The following STIM1 variants were observed in gnomAD, a reference collection of about 807,000 sequenced individuals.
STIM1 encodes the protein stromal interaction molecule 1.
Under a neutral mutation model 74.7 loss-of-function variants are expected in STIM1, and 25 were observed. That is an observed-to-expected ratio of 0.33 (90% CI 0.24 to 0.47). The LOEUF (loss-of-function observed/expected upper bound fraction) is 0.47, where lower values mean the gene tolerates loss of function less well. Among genes scored for constraint, STIM1 ranks in the 20% least tolerant of loss-of-function variants. STIM1 has a pLI of 1.00. For missense variants in STIM1, 728 were observed against 920.8 expected, an observed-to-expected ratio of 0.79 and a Z score of 2.71; for synonymous variants, 328 against 348.8, an observed-to-expected ratio of 0.94 and a Z score of 0.66.
chr11:4,036,297 A>G (rs1289983775), intron 3 of STIM1, among the ~76,000 whole-genome samples: 1 of 152,160 alleles, frequency 6.6e-6, no homozygotes, highest in Non-Finnish European at 1.5e-5. Context: ...TGCTATTGTG[A>G]ATAGTGCTGC....
At position 4,020,947 on chromosome 11, in the gene STIM1, AT is replaced by A. The variant is rs1406353610; in HGVS notation, c.271-2920del. ...AAATGTCTAGTTAGATCTTTCACCCATTTTTTAATCTGATTTTTTTTCTATT... is the reference window on the plus strand; with the variant it reads ...AAATGTCTAGTTAGATCTTTCACCCATTTTTAATCTGATTTTTTTTCTATT... On this transcript the variant is annotated intron_variant, in intron 2 of 12. Transcript: ENST00000526596. 7.9e-5 allele frequency among the ~76,000 whole-genome samples: 12 copies of A among 151,758 alleles called. No homozygotes were observed. The South Asian group carries it at 1.2e-3, about 16-fold the overall frequency.
At chr11:4,040,843 G>A (rs753689756) in intron 3 of STIM1, among the ~76,000 whole-genome samples, 2 of 152,206 alleles carry the variant, frequency 1.3e-5, no homozygotes, top group Non-Finnish European at 2.9e-5. Context: ...AGCATGTCCT[G>A]TTGGGCCCTG....
At chr11:4,012,845 T>G (rs1233253600) in intron 2 of STIM1, among the ~76,000 whole-genome samples, 4 of 152,098 alleles carry the variant, frequency 2.6e-5, no homozygotes, top group East Asian at 1.9e-4. Context: ...CATTCAGTAT[T>G]ATATTGGCTG....
chr11:4,000,038 G>C (rs560388507), intron 2 of STIM1, among the ~76,000 whole-genome samples: 21 of 152,070 alleles, frequency 1.4e-4, no homozygotes, highest in Admixed American at 3.9e-4. Context: ...GGGGAGGGGC[G>C]CCCGCCATTG....
At chr11:4,018,364 A>AT (rs1266531690) in intron 2 of STIM1, among the ~76,000 whole-genome samples, 3 of 138,334 alleles carry the variant, frequency 2.2e-5, no homozygotes, top group Non-Finnish European at 3.1e-5. Context: ...AGGCAGGATA[A>AT]TGGCGTGAAC....
intron 1 of STIM1, among the ~76,000 whole-genome samples, chr11:3,934,655 G>C (rs141899379): frequency 3.4e-4 from 52 of 152,298 alleles, no homozygotes; most frequent in African/African-American, 1.2e-3. Flanking sequence ...TTGGTACACT[G>C]ATGCCCAAAT....
intron 1 of STIM1, among the ~76,000 whole-genome samples, chr11:3,864,670 G>T (rs1202824269): frequency 6.6e-6 from 1 of 152,144 alleles, no homozygotes; most frequent in Non-Finnish European, 1.5e-5. Flanking sequence ...AGTAAGTCCA[G>T]CCCATCCTCA....
At chr11:4,008,076 C>T (rs2135944811) in intron 2 of STIM1, among the ~76,000 whole-genome samples, 1 of 152,128 alleles carries the variant, frequency 6.6e-6, no homozygotes, top group East Asian at 1.9e-4. Context: ...CACATAAGGA[C>T]ATTCAGTCAA....
intron 1 of STIM1, among the ~76,000 whole-genome samples, chr11:3,911,568 G>T (rs2092562522): frequency 6.6e-6 from 1 of 151,908 alleles, no homozygotes. Flanking sequence ...AATTTTTTTT[G>T]TAGAGACGGG....
rs542877094 is a variant in STIM1, at chr11:4,053,954, A to G, written c.386-1572A>G. 7.2e-5 allele frequency among the ~76,000 whole-genome samples: 11 copies of G among 152,278 alleles called. No individual in the cohort carries two copies. In the South Asian group the frequency reaches 2.1e-3, roughly 29 times the overall value. On this transcript the variant is annotated intron_variant, in intron 3 of 12. Coordinates refer to ENST00000526596, the MANE Select transcript of STIM1 (RefSeq NM_001382567.1). ...GTGCTGTCTAACAGAACTTTCTACAATGATGGAAATGTTGTATAGTTTATG... is the reference window on the plus strand; with the variant it reads ...GTGCTGTCTAACAGAACTTTCTACAGTGATGGAAATGTTGTATAGTTTATG...
intron 5 of STIM1, among the ~76,000 whole-genome samples, chr11:4,068,280 T>A (rs2094381088): frequency 6.6e-6 from 1 of 152,152 alleles, no homozygotes. Context: ...CCAAATGAAA[T>A]AACTAGGCTC....
chr11:3,939,257 A>C (rs2092975377), intron 1 of STIM1, among the ~76,000 whole-genome samples: 1 of 152,160 alleles, frequency 6.6e-6, no homozygotes, highest in Non-Finnish European at 1.5e-5. Context: ...GAGAGGTGTG[A>C]CTTCTAAAGA....
chr11:3,879,651 G>A (rs2091428487), intron 1 of STIM1, among the ~76,000 whole-genome samples: 1 of 152,202 alleles, frequency 6.6e-6, no homozygotes, highest in African/African-American at 2.4e-5. Context: ...AAAGAAAGCA[G>A]GTGACTTCCC....
chr11:4,078,083 T>G (rs1462461674), intron 7 of STIM1, among the ~76,000 whole-genome samples: 1 of 152,228 alleles, frequency 6.6e-6, no homozygotes. Context: ...TTTTATTACA[T>G]GCTGGACAGT....
At chr11:3,865,505 T>C (rs748382296) in intron 1 of STIM1, among the ~76,000 whole-genome samples, 2 of 152,220 alleles carry the variant, frequency 1.3e-5, no homozygotes, top group Non-Finnish European at 2.9e-5. Flanking sequence ...TGTCAAGTGC[T>C]GCTTCTTTGG....
intron 3 of STIM1, among the ~76,000 whole-genome samples, chr11:4,050,812 T>G (rs2094233762): frequency 6.6e-6 from 1 of 152,202 alleles, no homozygotes; most frequent in Admixed American, 6.5e-5. Flanking sequence ...AACACATATT[T>G]TATATGTTAT....
At chr11:3,998,153 T>C (rs2093679447) in intron 2 of STIM1, among the ~76,000 whole-genome samples, 1 of 152,176 alleles carries the variant, frequency 6.6e-6, no homozygotes, top group South Asian at 2.1e-4. Context: ...TTCTAAGGTA[T>C]TTAGTTGAAT....
chr11:3,961,337 G>T, intron 1 of STIM1: 2 of 243,804 alleles, frequency 8.2e-6, no homozygotes, highest in South Asian at 1.3e-4. Context: ...CTGAAAACAA[G>T]ACCAGATGAG....
chr11:3,964,010 T>G (rs1307177713), intron 1 of STIM1, among the ~76,000 whole-genome samples: 6 of 152,268 alleles, frequency 3.9e-5, no homozygotes, highest in Non-Finnish European at 7.3e-5. Context: ...CACCAGGCCC[T>G]ATGCTGGATG....
Sources: allele counts gnomAD v4.1 joint callset (sites outside exome capture counted in the v4.1 genomes callset), GRCh38; gene constraint gnomAD v4.1.1; transcripts MANE v1.5; gene names NCBI Gene and HGNC (gene_info 2026-07-23, HGNC 2026-07-21).